The following GPC6 variants were observed in gnomAD, a reference collection of about 807,000 sequenced individuals.
GPC6 encodes the protein glypican-6.
Under a neutral mutation model 55.2 loss-of-function variants are expected in GPC6, and 14 were observed. The observed-to-expected ratio is 0.25, with a 90% CI of 0.17 to 0.40. The LOEUF (loss-of-function observed/expected upper bound fraction) is 0.40, where lower values mean the gene tolerates loss of function less well. GPC6 is among the 10% of genes least tolerant of loss of function. The pLI, the probability that GPC6 is intolerant of heterozygous loss-of-function variation, is 1.00. For synonymous variants in GPC6, 278 were observed against 259.6 expected (o/e 1.07, Z -0.68); for missense variants, 641 against 708.5 (o/e 0.90, Z 1.08).
chr13:93,457,863 C>G (rs1021544596), intron 1 of GPC6, among the ~76,000 whole-genome samples: 1 of 152,058 alleles, frequency 6.6e-6, no homozygotes, highest in Non-Finnish European at 1.5e-5. Context: ...ACATCTATTT[C>G]GAAGTCTTGA....
chr13:94,290,019 G>A (rs1027648703), intron 5 of GPC6, among the ~76,000 whole-genome samples: 3 of 152,150 alleles, frequency 2.0e-5, no homozygotes, highest in African/African-American at 4.8e-5. Context: ...CTATGTTGAT[G>A]TTTGTATTGA....
rs143099225 is a variant in GPC6, at chr13:93,665,726, T to C, written c.319+120305T>C. On this transcript the variant is annotated intron_variant, in intron 2 of 8. Coordinates refer to ENST00000377047, the MANE Select transcript of GPC6 (RefSeq NM_005708.5). The stretch of plus-strand genomic sequence containing the variant: ...ATGGGTTAGGAAAGCTCATAGTCTG[T>C]CGTTTTTGAGTACTGAAGAAACGAT... Among the ~76,000 whole-genome samples, 616 of 152,290 alleles carry C rather than the reference T, an allele frequency of 4.0e-3. 6 individuals are homozygous for C. The highest frequency in any genetic ancestry group is 0.012 in the South Asian group (60 of 4,828).
chr13:93,368,171 A>T (rs947506377), intron 1 of GPC6, among the ~76,000 whole-genome samples: 1 of 151,872 alleles, frequency 6.6e-6, no homozygotes, highest in African/African-American at 2.4e-5. Flanking sequence ...TCATTATGCA[A>T]TGTTCTTCTC....
At chr13:93,926,935 A>C (rs1025273391) in intron 3 of GPC6, among the ~76,000 whole-genome samples, 1 of 152,186 alleles carries the variant, frequency 6.6e-6, no homozygotes, top group East Asian at 1.9e-4. Flanking sequence ...TAATGATGGC[A>C]TACAGTTCAG....
intron 2 of GPC6, among the ~76,000 whole-genome samples, chr13:93,608,617 C>T (rs1271217224): frequency 6.6e-6 from 1 of 152,156 alleles, no homozygotes; most frequent in Non-Finnish European, 1.5e-5. Context: ...TTACCTCTCC[C>T]TCTCCACAAC....
At chr13:93,265,961 A>G (rs1021221378) in intron 1 of GPC6, among the ~76,000 whole-genome samples, 9 of 152,130 alleles carry the variant, frequency 5.9e-5, no homozygotes, top group African/African-American at 1.9e-4. Flanking sequence ...AACCAAGGTA[A>G]GAGTGTTTAT....
intron 2 of GPC6, among the ~76,000 whole-genome samples, chr13:93,759,743 A>G (rs1312838661): frequency 6.6e-6 from 1 of 152,144 alleles, no homozygotes; most frequent in Non-Finnish European, 1.5e-5. Flanking sequence ...CTTAATTTCC[A>G]ATAATCAGTG....
chr13:93,256,788 C>T (rs1325464876), intron 1 of GPC6, among the ~76,000 whole-genome samples: 1 of 152,092 alleles, frequency 6.6e-6, no homozygotes, highest in Non-Finnish European at 1.5e-5. Context: ...ACTTGGCCCT[C>T]AAGGAGCTTA....
intron 4 of GPC6, among the ~76,000 whole-genome samples, chr13:94,205,819 A>C (rs1889885634): frequency 6.6e-6 from 1 of 152,220 alleles, no homozygotes; most frequent in African/African-American, 2.4e-5. Context: ...AGGATCCTGA[A>C]TATAAAGAGC....
intron 1 of GPC6, among the ~76,000 whole-genome samples, chr13:93,326,650 A>G (rs1879667942): frequency 6.6e-6 from 1 of 152,208 alleles, no homozygotes; most frequent in South Asian, 2.1e-4. Context: ...AAACATGTAC[A>G]GAACATATTT....
chr13:94,371,733 G>C (rs879535599), intron 6 of GPC6, among the ~76,000 whole-genome samples: 3 of 152,048 alleles, frequency 2.0e-5, no homozygotes, highest in African/African-American at 4.8e-5. Flanking sequence ...ATACTGAAAT[G>C]GTGGGGAAAA....
At chr13:93,352,966 A>G (rs192899826) in intron 1 of GPC6, among the ~76,000 whole-genome samples, 18 of 152,310 alleles carry the variant, frequency 1.2e-4, no homozygotes, top group African/African-American at 4.3e-4. Context: ...GGTGATTTAT[A>G]CAAACATTCA....
At chr13:94,091,222 T>C (rs1885469288) in intron 4 of GPC6, among the ~76,000 whole-genome samples, 1 of 152,092 alleles carries the variant, frequency 6.6e-6, no homozygotes, top group African/African-American at 2.4e-5. Flanking sequence ...TTTACGAAAA[T>C]GGTAAAAATG....
chr13:93,917,213 T>A (rs1327350956), intron 3 of GPC6, among the ~76,000 whole-genome samples: 2 of 152,222 alleles, frequency 1.3e-5, no homozygotes, highest in Non-Finnish European at 2.9e-5. Flanking sequence ...AAACAAGTCA[T>A]GGCAGGGGAA....
chr13:94,153,071 A>G (rs1439327790), intron 4 of GPC6, among the ~76,000 whole-genome samples: 3 of 152,164 alleles, frequency 2.0e-5, no homozygotes, highest in East Asian at 1.9e-4. Flanking sequence ...GTGTCGTGCA[A>G]CCATTACTGG....
At position 93,830,418 on chromosome 13, in the gene GPC6, A is replaced by G; in HGVS notation, c.584A>G (p.Asp195Gly). The G allele has an allele frequency of 6.2e-7, 1 of 1,613,934 alleles. No individual in the cohort carries two copies. The highest frequency in any genetic ancestry group is 8.5e-7 in the Non-Finnish European group (1 of 1,179,958). ...CTGGAATGTGTGAGCAAATACACTG[A>G]CCAGCTCAAGCCATTTGGAGACGTG... ...DYLECVSKYT[D>G]QLKPFGDVPR... is the part of the protein sequence containing the mutation. The change falls in exon 3 of 9, where the codon GAC becomes GGC. Residue 195 changes from aspartate to glycine, a missense_variant. Asp to Gly is a moderately conservative substitution (Grantham distance 94). Coordinates refer to ENST00000377047, the MANE Select transcript of GPC6 (RefSeq NM_005708.5).
At chr13:93,918,825 A>G (rs373789206) in intron 3 of GPC6, among the ~76,000 whole-genome samples, 5 of 152,298 alleles carry the variant, frequency 3.3e-5, no homozygotes, top group African/African-American at 1.2e-4. Flanking sequence ...CCATCTTTCA[A>G]CTGCTCCAAG....
chr13:94,236,573 A>C (rs1354565982), intron 4 of GPC6, among the ~76,000 whole-genome samples: 1 of 152,170 alleles, frequency 6.6e-6, no homozygotes, highest in Non-Finnish European at 1.5e-5. Context: ...AAATGCTATG[A>C]AGATTGAAGG....
intron 2 of GPC6, among the ~76,000 whole-genome samples, chr13:93,676,524 A>G (rs1191099467): frequency 6.6e-6 from 1 of 152,126 alleles, no homozygotes; most frequent in African/African-American, 2.4e-5. Flanking sequence ...AACTGAGGTA[A>G]GCTTTCCAGG....
Sources: gnomAD v4.1 joint callset for allele counts (sites outside exome capture counted in the v4.1 genomes callset) on GRCh38, gnomAD v4.1.1 for gene constraint, MANE v1.5 for transcripts, NCBI Gene and HGNC (gene_info 2026-07-23, HGNC 2026-07-21) for gene names.